COG5: variants seen among roughly 807,000 people sequenced by gnomAD.
COG5 encodes conserved oligomeric Golgi complex subunit 5.
Under a neutral mutation model 110.4 loss-of-function variants are expected in COG5, and 86 were observed. That is an observed-to-expected ratio of 0.78 (90% CI 0.65 to 0.93). The LOEUF is 0.93. Among genes scored for constraint, COG5 ranks in the 40% least tolerant of loss-of-function variants. The pLI, the probability that COG5 is intolerant of heterozygous loss-of-function variation, is 0.00. For missense variants in COG5, 1,077 were observed against 987.0 expected (o/e 1.09, Z -1.22); for synonymous variants, 360 against 334.6 (o/e 1.08, Z -0.83).
chr7:107,551,302 C>T (rs1212520512), intron 3 of COG5, among the ~76,000 whole-genome samples: 1 of 152,140 alleles, frequency 6.6e-6, no homozygotes, highest in African/African-American at 2.4e-5. Flanking sequence ...ATAAATATTC[C>T]TCAAAATTCC....
At chr7:107,265,163 C>G (rs1176125331) in intron 14 of COG5, among the ~76,000 whole-genome samples, 1 of 152,092 alleles carries the variant, frequency 6.6e-6, no homozygotes, top group Non-Finnish European at 1.5e-5. Flanking sequence ...TAAGATAATA[C>G]GACAAGATAA....
chr7:107,283,831 T>C, intron 12 of COG5, 99 bp from the exon 13 acceptor site: 1 of 804,332 alleles, frequency 1.2e-6, no homozygotes, highest in South Asian at 1.5e-5. Context: ...GCACCTCCCA[T>C]AAAAATGTAA....
At chr7:107,520,395 CCATAGTCTCAGCCCA>C (rs2129151099) in intron 6 of COG5, among the ~76,000 whole-genome samples, 1 of 152,222 alleles carries the variant, frequency 6.6e-6, no homozygotes, top group Non-Finnish European at 1.5e-5. Flanking sequence ...TTAGAAAACC[CCATAGTCTCAGCCCA>C]AAAACTCCTT....
intron 11 of COG5, among the ~76,000 whole-genome samples, chr7:107,299,787 T>A (rs1198731397): frequency 7.1e-6 from 1 of 141,676 alleles, no homozygotes; most frequent in Non-Finnish European, 1.5e-5. Flanking sequence ...GTATAATACA[T>A]CATGACCAAG....
intron 5 of COG5, among the ~76,000 whole-genome samples, chr7:107,527,614 C>A (rs532038673): frequency 3.9e-5 from 6 of 152,236 alleles, no homozygotes; most frequent in Admixed American, 1.3e-4. Flanking sequence ...TGTTTCCCAC[C>A]AACCACAAAC....
intron 2 of COG5, among the ~76,000 whole-genome samples, chr7:107,555,081 A>C (rs1295186773): frequency 1.3e-5 from 2 of 152,204 alleles, no homozygotes; most frequent in African/African-American, 2.4e-5. Flanking sequence ...CCTACTCTGG[A>C]AAGATACAGC....
At chr7:107,431,446 G>A (rs189541818) in intron 6 of COG5, among the ~76,000 whole-genome samples, 1 of 151,908 alleles carries the variant, frequency 6.6e-6, no homozygotes, top group Non-Finnish European at 1.5e-5. Context: ...ATGGGTAAGG[G>A]GTGTTTATTT....
At chr7:107,243,338 C>A (rs1256376683) in intron 17 of COG5, among the ~76,000 whole-genome samples, 7 of 151,590 alleles carry the variant, frequency 4.6e-5, no homozygotes, top group Non-Finnish European at 1.5e-5. Context: ...ACGGTGAAAC[C>A]CCGTCTCTAC....
chr7:107,263,756 A>G (rs1803569105), intron 14 of COG5, among the ~76,000 whole-genome samples: 1 of 152,234 alleles, frequency 6.6e-6, no homozygotes, highest in Non-Finnish European at 1.5e-5. Context: ...TAGGAACAGC[A>G]TGTGAATTCA....
chr7:107,474,512 T>A lies in COG5; in HGVS notation c.538+52725A>T. On this transcript the variant is annotated intron_variant, in intron 6 of 21. Transcript: ENST00000297135. This position sits in a 1 kb window ranked among gnomAD's most constrained non-coding sequence, Gnocchi z 5.7. ...ATCTCTGTAAAACCTGCAAACCGAA[T>A]TCTGACAATGGGCAGAGCTGTAATG... 1 of 1,613,022 alleles carries A rather than the reference T, an allele frequency of 6.2e-7. No homozygotes were observed. The highest frequency in any genetic ancestry group is 8.5e-7 in the Non-Finnish European group (1 of 1,179,262).
chr7:107,433,822 T>A (rs542876578), intron 6 of COG5, among the ~76,000 whole-genome samples: 63 of 152,204 alleles, frequency 4.1e-4, no homozygotes, highest in African/African-American at 1.4e-3. Flanking sequence ...TAAACTGAAC[T>A]ACATCAAAAC....
intron 10 of COG5, among the ~76,000 whole-genome samples, chr7:107,351,390 T>C (rs746871770): frequency 2.0e-5 from 3 of 152,282 alleles, no homozygotes; most frequent in Non-Finnish European, 4.4e-5. Flanking sequence ...ATTCAGGACA[T>C]AGGCATGGGC....
At chr7:107,405,832 C>T (rs552819177) in intron 7 of COG5, among the ~76,000 whole-genome samples, 7 of 152,100 alleles carry the variant, frequency 4.6e-5, no homozygotes, top group Admixed American at 4.6e-4. Flanking sequence ...GGATTCATGC[C>T]CTTATAAAAG....
chr7:107,276,069 T>A (rs2116757380), intron 14 of COG5, among the ~76,000 whole-genome samples: 1 of 152,276 alleles, frequency 6.6e-6, no homozygotes, highest in South Asian at 2.1e-4. Flanking sequence ...CCCTTAAATG[T>A]CATTCCTATT....
intron 6 of COG5, among the ~76,000 whole-genome samples, chr7:107,508,213 C>G (rs189761303): frequency 2.0e-5 from 3 of 152,218 alleles, no homozygotes; most frequent in East Asian, 3.8e-4. Context: ...CTTAAAAAAA[C>G]GGCACACCAG....
chr7:107,554,469 C>T, intron 2 of COG5, 127 bp from the exon 3 acceptor site: 2 of 790,194 alleles, frequency 2.5e-6, no homozygotes, highest in Non-Finnish European at 2.2e-6. Flanking sequence ...GAAAAAACCA[C>T]AGGTTTTTAA....
intron 12 of COG5, among the ~76,000 whole-genome samples, chr7:107,295,235 C>T (rs1806648491): frequency 6.7e-6 from 1 of 149,542 alleles, no homozygotes; most frequent in Non-Finnish European, 1.5e-5. Flanking sequence ...CCACACCGTA[C>T]CCAGTCTTAA....
chr7:107,364,122 A>C (rs1562990765), intron 8 of COG5, among the ~76,000 whole-genome samples: 2 of 152,206 alleles, frequency 1.3e-5, no homozygotes. Flanking sequence ...TAATGAAACA[A>C]ACTGAAATAA....
At chr7:107,550,563 A>G (rs912451397) in intron 3 of COG5, among the ~76,000 whole-genome samples, 1 of 152,094 alleles carries the variant, frequency 6.6e-6, no homozygotes, top group African/African-American at 2.4e-5. Flanking sequence ...TTTATTGTTC[A>G]GTCTTCTCCT....
Sources: gnomAD v4.1 joint callset for allele counts (sites outside exome capture counted in the v4.1 genomes callset) on GRCh38, gnomAD v4.1.1 for gene constraint, Gnocchi (gnomAD v3.1) non-coding constraint, MANE v1.5 for transcripts, NCBI Gene and HGNC (gene_info 2026-07-23, HGNC 2026-07-21) for gene names.